AKT1: variants seen among roughly 807,000 people sequenced by gnomAD.
AKT1 encodes AKT serine/threonine kinase 1.
A neutral mutation model predicts 63.1 loss-of-function variants in AKT1; 21 were observed. The ratio of observed to expected loss-of-function variants is 0.33; its 90% confidence interval spans 0.24 to 0.48. AKT1 has a LOEUF of 0.48. AKT1 is among the 20% of genes least tolerant of loss of function. The pLI is 0.99. For missense variants in AKT1, 382 were observed against 666.0 expected (o/e 0.57, Z 4.69); for synonymous variants, 257 against 253.1 (o/e 1.02, Z -0.15).
At chr14:104,775,364 G>A in intron 6 of AKT1, 157 bp from the exon 7 acceptor site, 2 of 1,359,072 alleles carry the variant, frequency 1.5e-6, no homozygotes, top group Non-Finnish European at 9.8e-7. Context: ...GGGGAGTCCA[G>A]GCTTACAGGG....
At chr14:104,788,613 C>T (rs186526499) in intron 3 of AKT1, among the ~76,000 whole-genome samples, 4 of 152,304 alleles carry the variant, frequency 2.6e-5, no homozygotes, top group African/African-American at 9.6e-5. Context: ...GGTTCTATGT[C>T]GCTCACCAAA....
At chr14:104,780,630 C>T (rs1291553550) in intron 3 of AKT1, among the ~76,000 whole-genome samples, 1 of 152,200 alleles carries the variant, frequency 6.6e-6, no homozygotes, top group African/African-American at 2.4e-5. Flanking sequence ...GGCTGCGGGG[C>T]TGACAGCATT....
intron 1 of AKT1, among the ~76,000 whole-genome samples, chr14:104,794,823 G>T (rs1418251510): frequency 1.3e-5 from 2 of 152,212 alleles, no homozygotes; most frequent in Non-Finnish European, 2.9e-5. Context: ...AGGCCGTCCC[G>T]ACAGGACCAA....
At chr14:104,773,726 A>G in intron 9 of AKT1, 146 bp from the exon 10 acceptor site, 1 of 1,318,214 alleles carries the variant, frequency 7.6e-7, no homozygotes, top group Non-Finnish European at 1.0e-6. Flanking sequence ...AAAGTCTCAG[A>G]AGCCCTAACT....
At chr14:104,771,675 AC>A in intron 13 of AKT1, 1 of 235,418 alleles carries the variant, frequency 4.2e-6, no homozygotes, top group Admixed American at 5.5e-5. Flanking sequence ...ACAGCCTAGG[AC>A]AGGCATTCAG....
chr14:104,789,336 C>T (rs1893507297), intron 3 of AKT1, among the ~76,000 whole-genome samples: 1 of 152,356 alleles, frequency 6.6e-6, no homozygotes. Flanking sequence ...TGGACAAAAA[C>T]AGGCTCCAGG....
intron 5 of AKT1, 78 bp downstream of exon 5, chr14:104,776,569 GGCAGAGGTGCCA>G: frequency 8.7e-7 from 1 of 1,147,518 alleles, no homozygotes; most frequent in South Asian, 1.4e-5. Context: ...GATGGCTACA[GGCAGAGGTGCCA>G]GCACCCCGCC....
intron 6 of AKT1, chr14:104,775,419 G>T: frequency 9.0e-7 from 1 of 1,116,096 alleles, no homozygotes; most frequent in Non-Finnish European, 1.2e-6. Flanking sequence ...GTTCAGGGAA[G>T]GGTGGGGTAA....
intron 3 of AKT1, among the ~76,000 whole-genome samples, chr14:104,781,013 T>A (rs1893005670): frequency 6.6e-6 from 1 of 152,152 alleles, no homozygotes; most frequent in Non-Finnish European, 1.5e-5. Flanking sequence ...CGTGGGTCAT[T>A]CAGGTACACG....
At chr14:104,781,561 A>C (rs1332419249) in intron 3 of AKT1, among the ~76,000 whole-genome samples, 3 of 151,740 alleles carry the variant, frequency 2.0e-5, no homozygotes, top group African/African-American at 7.3e-5. Flanking sequence ...TGAGCCACCA[A>C]GGCTCGACAC....
Position 104,773,991 on chromosome 14 carries a change from G to T in AKT1, c.634-11C>A. 2 of 1,610,810 alleles carry T rather than the reference G, an allele frequency of 1.2e-6. No homozygotes were observed. The highest frequency in any genetic ancestry group is 2.2e-5 in the East Asian group (1 of 44,784). ...AGAGTACTTCAGGGCCTGCAAGGAA[G>T]GGGAGCTGGAACTGCGGCCCCACAG... On this transcript the variant is annotated splice_polypyrimidine_tract_variant and intron_variant, in intron 8 of 14. Coordinates refer to ENST00000649815, the MANE Select transcript of AKT1 (RefSeq NM_001382430.1).
chr14:104,781,041 G>A (rs1037549202), intron 3 of AKT1, among the ~76,000 whole-genome samples: 4 of 152,242 alleles, frequency 2.6e-5, no homozygotes, highest in African/African-American at 9.6e-5. Flanking sequence ...TCTCCCTCAA[G>A]TTTTGCAGCA....
At chr14:104,779,483 C>G (rs1892906679) in intron 4 of AKT1, among the ~76,000 whole-genome samples, 1 of 152,236 alleles carries the variant, frequency 6.6e-6, no homozygotes, top group African/African-American at 2.4e-5. Context: ...CTATCTAACC[C>G]CCTTGGAGGA....
At chr14:104,789,974 G>A (rs1453296392) in intron 3 of AKT1, among the ~76,000 whole-genome samples, 4 of 152,220 alleles carry the variant, frequency 2.6e-5, no homozygotes, top group Non-Finnish European at 5.9e-5. Context: ...ACAGAAAGCA[G>A]CCTGGGCCAC....
intron 3 of AKT1, 117 bp from the exon 4 acceptor site, chr14:104,780,333 G>A (rs1595251685): frequency 2.1e-6 from 3 of 1,428,840 alleles, no homozygotes; most frequent in East Asian, 2.5e-5. Context: ...TGAGTCCCAG[G>A]GGGCAGGCGC....
rs769337829 is a variant in AKT1, at chr14:104,792,660, G to A, written c.-17C>T. The A allele has an allele frequency of 1.5e-5, 24 of 1,608,684 alleles. No homozygotes were observed. The highest frequency in any genetic ancestry group is 5.5e-5 in the South Asian group (5 of 91,088). On this transcript the variant is annotated 5_prime_UTR_variant, in exon 3 of 15. Transcript: ENST00000649815. ...GTCGCTCATGGTGCCCGAGGCTCCC[G>A]CGACGCTCACGCGCTCCTCTCAGGC... is the stretch of plus-strand genomic sequence containing the variant.
At chr14:104,776,115 A>C (rs1311350688) in intron 5 of AKT1, 2 of 268,648 alleles carry the variant, frequency 7.4e-6, no homozygotes, top group Non-Finnish European at 1.3e-5. Context: ...CCCAAGCAGG[A>C]CTCCGCCCCC....
chr14:104,776,679 A>G lies in AKT1; in HGVS notation c.267T>C (p.His89=), dbSNP rs142646145. The change falls in exon 5 of 15, where the codon CAT becomes CAC. Residue 89 remains histidine, a synonymous_variant. Transcript: ENST00000649815. ...QWTTVIERTF[H]VETPEEREEW... ...CGTACCGCTCCTCAGGAGTCTCCAC[A>G]TGGAAGGTGCGTTCGATGACAGTGG... 53 of 1,613,240 alleles carry G rather than the reference A, an allele frequency of 3.3e-5. No individual in the cohort carries two copies. Among genetic ancestry groups the G allele is most frequent in the Non-Finnish European group, 3.9e-5 (46 of 1,179,820 alleles).
At chr14:104,790,244 T>C (rs2498787) in intron 3 of AKT1, among the ~76,000 whole-genome samples, 125,775 of 152,162 alleles carry the variant, frequency 0.83, 53,179 homozygotes, top group Non-Finnish European at 0.91. Flanking sequence ...GGCCAGCCTC[T>C]GAGACAAGCA....
Sources: gnomAD v4.1 joint callset for allele counts (sites outside exome capture counted in the v4.1 genomes callset) on GRCh38, gnomAD v4.1.1 for gene constraint, MANE v1.5 for transcripts, NCBI Gene and HGNC (gene_info 2026-07-23, HGNC 2026-07-21) for gene names.